Variants in PRSS23 observed in about 807,000 individuals in gnomAD.
PRSS23 encodes the protein serine protease 23, also known as protease, serine 23.
Under a neutral mutation model 34.7 loss-of-function variants are expected in PRSS23, and 25 were observed. The observed-to-expected ratio is 0.72, with a 90% CI of 0.53 to 1.01. PRSS23 has a LOEUF of 1.01. PRSS23 is among the 50% of genes least tolerant of loss of function. PRSS23 has a pLI of 0.00. For missense variants in PRSS23, 445 were observed against 475.6 expected (o/e 0.94, Z 0.60); for synonymous variants, 176 against 186.6 (o/e 0.94, Z 0.46).
intron 2 of PRSS23, among the ~76,000 whole-genome samples, chr11:86,861,244 G>T (rs1948612193): frequency 6.8e-6 from 1 of 146,898 alleles, no homozygotes; most frequent in Non-Finnish European, 1.5e-5. Flanking sequence ...AGAGGGGGGC[G>T]ATATTACTCT....
At chr11:86,812,620 A>G (rs1176928366), downstream of PRSS23, among the ~76,000 whole-genome samples, 2 of 151,290 alleles carry the variant, frequency 1.3e-5, no homozygotes, top group African/African-American at 4.9e-5. Context: ...AAACCCCGTC[A>G]CTACTAAAAA....
At chr11:86,806,106 T>G (rs1948098127) in intron 1 of PRSS23, among the ~76,000 whole-genome samples, 1 of 152,212 alleles carries the variant, frequency 6.6e-6, no homozygotes, top group African/African-American at 2.4e-5. Context: ...ATCTGGGCAT[T>G]TAAACATACC....
At chr11:86,821,700 A>G in intron 1 of PRSS23, 1 of 1,491,568 alleles carries the variant, frequency 6.7e-7, no homozygotes, top group Non-Finnish European at 9.3e-7. Context: ...TCTGTTGAAT[A>G]TACTGTTGAA....
chr11:86,821,750 G>A (rs1326232015), intron 1 of PRSS23: 1 of 1,304,966 alleles, frequency 7.7e-7, no homozygotes, highest in East Asian at 2.4e-5. Flanking sequence ...TGTTCGTCAG[G>A]CCAATTATAA....
chr11:86,939,530 A>G (rs774604561), intron 2 of PRSS23, among the ~76,000 whole-genome samples: 3 of 150,658 alleles, frequency 2.0e-5, no homozygotes, highest in Non-Finnish European at 3.0e-5. Flanking sequence ...TGAGTCTTAC[A>G]GAATCACAAT....
At chr11:86,850,269 C>T (rs560911396) in intron 2 of PRSS23, among the ~76,000 whole-genome samples, 1 of 152,178 alleles carries the variant, frequency 6.6e-6, no homozygotes, top group Non-Finnish European at 1.5e-5. Flanking sequence ...CTGGAATGAC[C>T]CGTTGGTCCC....
intron 2 of PRSS23, chr11:86,922,191 C>CA (rs1409187625): frequency 6.6e-6 from 1 of 152,126 alleles, no homozygotes; most frequent in African/African-American, 2.4e-5. Context: ...TAATAATGGC[C>CA]AAGGAACATT....
rs983081220 is a variant in PRSS23 at position 86,809,108 on chromosome 11, T to G, written c.*313T>G. On this transcript the variant is annotated 3_prime_UTR_variant, in exon 2 of 2. Transcript: ENST00000280258. ...AGTTAATCTTCACGTTTTTGCAAAC[T>G]TTGATTTTTATTTCATCTGAACTTG... 2 of 248,868 alleles carry G rather than the reference T, an allele frequency of 8.0e-6. No individual in the cohort carries two copies. The highest frequency in any genetic ancestry group is 1.6e-5 in the Non-Finnish European group (2 of 121,780). The allele number at this position is 248,868 out of a possible 1,614,324, so 15.4% of individuals were successfully genotyped here.
At chr11:86,847,129 T>C (rs1948492246) in intron 2 of PRSS23, among the ~76,000 whole-genome samples, 2 of 151,862 alleles carry the variant, frequency 1.3e-5, no homozygotes, top group African/African-American at 2.4e-5. Context: ...ACTCTTTTGA[T>C]GGCAAGTGGG....
intron 2 of PRSS23, among the ~76,000 whole-genome samples, chr11:86,905,019 G>A (rs1948933273): frequency 2.0e-5 from 3 of 152,148 alleles, no homozygotes; most frequent in Non-Finnish European, 2.9e-5. Context: ...TTATACCACT[G>A]TACTTCAGTC....
intron 2 of PRSS23, among the ~76,000 whole-genome samples, chr11:86,848,027 G>A (rs770537942): frequency 3.3e-5 from 5 of 152,178 alleles, no homozygotes; most frequent in East Asian, 1.9e-4. Flanking sequence ...GAAAGAGAAC[G>A]TAAACTCCGA....
intron 2 of PRSS23, among the ~76,000 whole-genome samples, chr11:86,928,352 A>G (rs551864337): frequency 6.7e-6 from 1 of 148,556 alleles, no homozygotes; most frequent in African/African-American, 2.4e-5. Context: ...ATTAATATAT[A>G]TATAAATCTA....
At chr11:86,862,788 T>C (rs1315635230) in intron 2 of PRSS23, among the ~76,000 whole-genome samples, 1 of 151,974 alleles carries the variant, frequency 6.6e-6, no homozygotes, top group Non-Finnish European at 1.5e-5. Flanking sequence ...ACACAGGGTG[T>C]GTACACTCCA....
intron 2 of PRSS23, among the ~76,000 whole-genome samples, chr11:86,861,193 G>A (rs1263086936): frequency 1.3e-5 from 2 of 151,054 alleles, no homozygotes; most frequent in East Asian, 4.0e-4. Context: ...CACGGGGGGT[G>A]TCCACCCTCC....
chr11:86,945,986 G>A (rs2135031859), intron 2 of PRSS23: 1 of 152,744 alleles, frequency 6.5e-6, no homozygotes, highest in African/African-American at 2.4e-5. Flanking sequence ...CTGCTGCACA[G>A]AGCAGGGGAA....
chr11:86,832,071 T>C (rs1320988036), intron 2 of PRSS23, among the ~76,000 whole-genome samples: 1 of 152,002 alleles, frequency 6.6e-6, no homozygotes, highest in East Asian at 1.9e-4. Flanking sequence ...AGGGGATGTA[T>C]GCCATGTATG....
intron 2 of PRSS23, among the ~76,000 whole-genome samples, chr11:86,882,390 G>T (rs955490744): frequency 6.6e-6 from 1 of 152,056 alleles, no homozygotes. Flanking sequence ...CCCAGTGTGT[G>T]TTGTTCCCCT....
intron 2 of PRSS23, among the ~76,000 whole-genome samples, chr11:86,901,367 T>C (rs1948911272): frequency 6.6e-6 from 1 of 152,140 alleles, no homozygotes; most frequent in African/African-American, 2.4e-5. Flanking sequence ...ATGGCTGGCT[T>C]GAACAAAACT....
chr11:86,832,900 T>C (rs1459457386), intron 2 of PRSS23: 1 of 338,974 alleles, frequency 3.0e-6, no homozygotes, highest in Non-Finnish European at 5.7e-6. Context: ...ACGCAAGGTG[T>C]GGGAGTTGAG....
Sources: allele counts gnomAD v4.1 joint callset (sites outside exome capture counted in the v4.1 genomes callset), GRCh38; gene constraint gnomAD v4.1.1; transcripts MANE v1.5; gene names NCBI Gene and HGNC (gene_info 2026-07-23, HGNC 2026-07-21).